The following SNPH variants were observed in gnomAD, a reference collection of about 807,000 sequenced individuals.
SNPH encodes the protein syntaphilin.
In SNPH, 10 loss-of-function variants were observed where a neutral mutation model predicts 36.8. That is an observed-to-expected ratio of 0.27 (90% CI 0.17 to 0.46). The LOEUF (loss-of-function observed/expected upper bound fraction) is 0.46. Ranked by LOEUF, SNPH falls within the 20% of genes least tolerant of loss-of-function variation. SNPH has a pLI of 1.00. For missense variants in SNPH, 622 were observed against 744.0 expected (o/e 0.84, Z 1.91); for synonymous variants, 281 against 312.2 (o/e 0.90, Z 1.05).
At position 1,305,423 on chromosome 20, in the gene SNPH, C is replaced by T; in HGVS notation, c.986C>T (p.Pro329Leu). ...CTGCACAGCTCCTTCGGCCTGGGCC[C>T]CCGCTTCCCTGCCAGCAACACCTAT... Reference protein sequence around the residue: ...TSLHSSFGLGPRFPASNTYEK... With the variant: ...TSLHSSFGLGLRFPASNTYEK... Residue 329 changes from proline to leucine, a missense_variant, in exon 7 of 7, where the codon CCC becomes CTC. Transcript: ENST00000381867. 6.2e-7 allele frequency: 1 copy of T among 1,613,158 alleles called. No individual in the cohort carries two copies. The highest frequency in any genetic ancestry group is 8.5e-7 in the Non-Finnish European group (1 of 1,180,034).
At position 1,307,837 on chromosome 20, in the gene SNPH, C is replaced by T. The variant is rs1253977037; in HGVS notation, c.*1783C>T. 3 of 152,490 alleles carry T rather than the reference C, an allele frequency of 2.0e-5. No individual in the cohort carries two copies. Among genetic ancestry groups the T allele is most frequent in the Non-Finnish European group, 4.4e-5 (3 of 68,086 alleles). 9.4% of individuals were successfully genotyped at this position (152,490 alleles called of 1,614,324 possible). On this transcript the variant is annotated 3_prime_UTR_variant, in exon 7 of 7. Coordinates refer to ENST00000381867, the MANE Select transcript of SNPH (RefSeq NM_001318234.2). ...TAAGCCCCAGCCCAGCCAAACCAAA[C>T]CCAGATGCCTGAGGCCTGGCTGGGG... is the stretch of plus-strand genomic sequence containing the variant.
intron 2 of SNPH, among the ~76,000 whole-genome samples, chr20:1,275,315 A>G (rs1468626119): frequency 6.6e-6 from 1 of 152,234 alleles, no homozygotes; most frequent in Non-Finnish European, 1.5e-5. Flanking sequence ...CCTGTGGGAA[A>G]GAGCCTGGTA....
rs200870625 is a variant in SNPH, at chr20:1,300,549, C to T, written c.291-13C>T. ...CTCTTCCTCCCTCCCTGATGATGGG[C>T]GTCCCCTTGCAGGCGCTCCATGAAA... On this transcript the variant is annotated splice_polypyrimidine_tract_variant and intron_variant, in intron 5 of 6. Transcript: ENST00000381867. The T allele has an allele frequency of 2.0e-4, 324 of 1,613,774 alleles. 1 individual carries two copies. Among genetic ancestry groups the T allele is most frequent in the African/African-American group, 2.0e-3 (149 of 75,030 alleles).
At chr20:1,268,668 A>G (rs1218169292) in intron 2 of SNPH, among the ~76,000 whole-genome samples, 2 of 126,814 alleles carry the variant, frequency 1.6e-5, no homozygotes, top group Admixed American at 1.1e-4. Flanking sequence ...TCCTTTCTCT[A>G]TCTCCAGCCT....
chr20:1,289,581 C>T (rs540076220), intron 2 of SNPH, among the ~76,000 whole-genome samples: 2 of 151,292 alleles, frequency 1.3e-5, no homozygotes, highest in East Asian at 3.9e-4. Context: ...CATGGTGGCT[C>T]ACACCTGTAA....
At chr20:1,290,398 A>G (rs1411196976) in intron 2 of SNPH, among the ~76,000 whole-genome samples, 1 of 151,984 alleles carries the variant, frequency 6.6e-6, no homozygotes, top group African/African-American at 2.4e-5. Context: ...GTCTGTGTGC[A>G]TTTGCCTGTG....
rs144746506 is a variant in SNPH at position 1,276,841 on chromosome 20, G to A, written c.-493+10081G>A. 5.9e-4 allele frequency among the ~76,000 whole-genome samples: 90 copies of A among 152,288 alleles called. No individual in the cohort carries two copies. The highest frequency in any genetic ancestry group is 3.4e-3 in the Middle Eastern group (1 of 294). Reference sequence around the variant, plus strand: ...GAAACAGAACTTCAGTCAGATGGATGTTGGGCTTTGAAACCTTCAGATTCT... The same window carrying A: ...GAAACAGAACTTCAGTCAGATGGATATTGGGCTTTGAAACCTTCAGATTCT... On this transcript the variant is annotated intron_variant, in intron 2 of 6. Transcript: ENST00000381867. This position sits in a 1 kb window ranked among gnomAD's most constrained non-coding sequence, Gnocchi z 4.6.
At chr20:1,280,373 C>T (rs2088202792) in intron 2 of SNPH, among the ~76,000 whole-genome samples, 1 of 152,212 alleles carries the variant, frequency 6.6e-6, no homozygotes, top group African/African-American at 2.4e-5. Flanking sequence ...AGCATTCAGG[C>T]CTGGATTGAA....
rs1466270874 is a variant in SNPH at position 1,266,382 on chromosome 20, A to C, written c.-615A>C. ...CGGCCCCTGCAGGGCAGCTGAAGCC[A>C]TGGAAGCCTCCGCAGGTGATGACAA... On this transcript the variant is annotated 5_prime_UTR_variant, in exon 1 of 7. It removes an upstream start codon present in the reference 5' UTR. Transcript: ENST00000381867. This position sits in a 1 kb window ranked among gnomAD's most constrained non-coding sequence, Gnocchi z 6.0. The C allele has an allele frequency of 3.1e-5, 10 of 325,544 alleles. No homozygotes were observed. Among genetic ancestry groups the C allele is most frequent in the East Asian group, 1.8e-4 (3 of 16,864 alleles). 20.2% of individuals were successfully genotyped at this position (325,544 alleles called of 1,614,324 possible).
rs1488475844 is a variant in SNPH, at chr20:1,305,991, G to A, written c.1554G>A (p.Arg518=). ...CTGTGGCCTTGCACTCCATCCGCAGGATCAGCTGCCGCTCGCTGAGCCAGC... is the reference window on the plus strand; with the variant it reads ...CTGTGGCCTTGCACTCCATCCGCAGAATCAGCTGCCGCTCGCTGAGCCAGC... ...CCTVALHSIR[R]ISCRSLSQPS... is the part of the protein sequence containing the mutation. The change falls in exon 7 of 7, where the codon AGG becomes AGA. Residue 518 remains arginine, a synonymous_variant. Transcript: ENST00000381867. The A allele has an allele frequency of 3.9e-6, 6 of 1,538,478 alleles. No individual in the cohort carries two copies. The highest frequency in any genetic ancestry group is 3.5e-6 in the Non-Finnish European group (4 of 1,142,212).
chr20:1,282,849 A>G (rs1361049610), intron 2 of SNPH, among the ~76,000 whole-genome samples: 2 of 152,216 alleles, frequency 1.3e-5, no homozygotes, highest in African/African-American at 4.8e-5. Context: ...GCTCGTGGTC[A>G]GCCCTATGCT....
chr20:1,277,593 T>C (rs1408339720), intron 2 of SNPH, among the ~76,000 whole-genome samples: 1 of 145,600 alleles, frequency 6.9e-6, no homozygotes, highest in Non-Finnish European at 1.5e-5. Flanking sequence ...TGTGTCAGTG[T>C]CTGTCTCTGT....
intron 5 of SNPH, among the ~76,000 whole-genome samples, chr20:1,299,306 C>A (rs1275408252): frequency 6.6e-6 from 1 of 152,126 alleles, no homozygotes; most frequent in African/African-American, 2.4e-5. Flanking sequence ...GGGACATTGC[C>A]CCTCCCTAGA....
intron 6 of SNPH, among the ~76,000 whole-genome samples, chr20:1,301,265 C>T (rs1316250572): frequency 6.6e-6 from 1 of 152,136 alleles, no homozygotes; most frequent in African/African-American, 2.4e-5. Flanking sequence ...CCAGGAGCCC[C>T]CGCAGGCCGT....
chr20:1,303,379 A>G (rs2088527136), intron 6 of SNPH, among the ~76,000 whole-genome samples: 1 of 152,202 alleles, frequency 6.6e-6, no homozygotes. Context: ...AAGGAGAGAG[A>G]GGCAGAGACT....
chr20:1,284,457 A>T (rs949321644), intron 2 of SNPH, among the ~76,000 whole-genome samples: 4 of 152,220 alleles, frequency 2.6e-5, no homozygotes, highest in Admixed American at 2.6e-4. Context: ...TGGAGCTTAT[A>T]TTCTAAAGAC....
At chr20:1,303,423 A>G (rs989955452) in intron 6 of SNPH, among the ~76,000 whole-genome samples, 1 of 152,184 alleles carries the variant, frequency 6.6e-6, no homozygotes, top group Non-Finnish European at 1.5e-5. Context: ...CCTTCTTTCA[A>G]ACTCACTCTT....
rs1312282799 is a variant in SNPH at position 1,307,976 on chromosome 20, G to C, written c.*1922G>C. On this transcript the variant is annotated 3_prime_UTR_variant, in exon 7 of 7. Coordinates refer to ENST00000381867, the MANE Select transcript of SNPH (RefSeq NM_001318234.2). ...GCCTCCTGTGCCGCGCACTCACGGA[G>C]CTGCGTAGTCTCCTCAGACATAGTC... 6.5e-6 allele frequency: 1 copy of C among 152,716 alleles called. No homozygotes were observed. The highest frequency in any genetic ancestry group is 6.5e-5 in the Admixed American group (1 of 15,294). 9.5% of individuals were successfully genotyped at this position (152,716 alleles called of 1,614,324 possible).
chr20:1,282,951 AAG>A (rs1183574604), intron 2 of SNPH, among the ~76,000 whole-genome samples: 6 of 152,242 alleles, frequency 3.9e-5, no homozygotes, highest in African/African-American at 1.4e-4. Flanking sequence ...GCTCTCGGGA[AAG>A]GGGAGTGAGA....
Sources: gnomAD v4.1 joint callset for allele counts (sites outside exome capture counted in the v4.1 genomes callset) on GRCh38, gnomAD v4.1.1 for gene constraint, Gnocchi (gnomAD v3.1) non-coding constraint, MANE v1.5 for transcripts, NCBI Gene and HGNC (gene_info 2026-07-23, HGNC 2026-07-21) for gene names.